SLC13A1: variants seen among roughly 807,000 people sequenced by gnomAD.
SLC13A1 encodes solute carrier family 13 member 1, also known as Na(+)/sulfate cotransporter.
Under a neutral mutation model 70.0 loss-of-function variants are expected in SLC13A1, and 65 were observed. The ratio of observed to expected loss-of-function variants is 0.93; its 90% CI spans 0.76 to 1.14. The LOEUF is 1.14. Among genes scored for constraint, SLC13A1 ranks in the 50% most tolerant of loss-of-function variants. The pLI, the probability that SLC13A1 is intolerant of heterozygous loss-of-function variation, is 0.00. For missense variants in SLC13A1, 726 were observed against 717.8 expected (o/e 1.01, Z -0.13); for synonymous variants, 275 against 250.5 (o/e 1.10, Z -0.92).
At position 123,115,519 on chromosome 7, in the gene SLC13A1, T is replaced by G. The variant is rs1407102033; in HGVS notation, c.1787A>C (p.Ter596SerextTer1). Residue 596 changes from the stop codon to serine (S), a stop_lost, in exon 15 of 15, where the codon TAA becomes TCA. Coordinates refer to ENST00000194130, the MANE Select transcript of SLC13A1 (RefSeq NM_022444.4). ...APAMSNETMP[*>S] Reference sequence around the variant, plus strand: ...AGATAGTCAGAAATTTTGTGCTTATTATGGCATGGTCTCATTACTCATAGC... The same window carrying G: ...AGATAGTCAGAAATTTTGTGCTTATGATGGCATGGTCTCATTACTCATAGC... The G allele has an allele frequency of 2.5e-6, 4 of 1,605,688 alleles. No homozygotes were observed. The East Asian group carries it at 8.9e-5, about 36-fold the overall frequency.
At chr7:123,196,694 A>G (rs1796196182) in intron 1 of SLC13A1, among the ~76,000 whole-genome samples, 1 of 152,038 alleles carries the variant, frequency 6.6e-6, no homozygotes, top group Non-Finnish European at 1.5e-5. Flanking sequence ...TTCTACCTTA[A>G]TGACATTGCG....
In SLC13A1 at chr7:123,129,492, T is replaced by A; in HGVS notation, c.933-11A>T. On this transcript the variant is annotated splice_polypyrimidine_tract_variant and intron_variant, in intron 8 of 14. Coordinates refer to ENST00000194130, the MANE Select transcript of SLC13A1 (RefSeq NM_022444.4). The stretch of plus-strand genomic sequence containing the variant: ...AACATCTCCTTAAAACTGCAAAGAA[T>A]AATTAAGCCTGTAAGCAAGAAATTC... 1 of 1,605,568 alleles carries A rather than the reference T, an allele frequency of 6.2e-7. No individual in the cohort carries two copies. Among genetic ancestry groups the A allele is most frequent in the Non-Finnish European group, 8.5e-7 (1 of 1,172,600 alleles).
chr7:123,184,135 C>G (rs774568826), intron 1 of SLC13A1, among the ~76,000 whole-genome samples: 1 of 151,862 alleles, frequency 6.6e-6, no homozygotes, highest in East Asian at 1.9e-4. Context: ...TTTTTTTATC[C>G]TTATTTTTTT....
intron 6 of SLC13A1, 75 bp from the exon 7 acceptor site, chr7:123,147,385 A>G: frequency 6.7e-7 from 1 of 1,500,280 alleles, no homozygotes; most frequent in East Asian, 2.3e-5. Flanking sequence ...GTGTCCCACC[A>G]CCCGCACCAA....
At chr7:123,125,702 A>G (rs1585292999) in intron 10 of SLC13A1, 27 bp from the exon 11 acceptor site, 3 of 1,519,088 alleles carry the variant, frequency 2.0e-6, no homozygotes, top group East Asian at 4.5e-5. Context: ...TACATGTATT[A>G]AAAATAGCAT....
rs915790466 is a variant in SLC13A1, at chr7:123,128,700, C to T, written c.1133+145G>A. 58 of 612,764 alleles carry T rather than the reference C, an allele frequency of 9.5e-5. 4 individuals carry two copies. The African/African-American group carries it at 9.5e-4, about 10-fold the overall frequency. 38.0% of individuals were successfully genotyped at this position (612,764 alleles called of 1,614,324 possible). A position where few individuals can be genotyped will look rare whatever the true frequency, so the allele number is the denominator to read the frequency against. On this transcript the variant is annotated intron_variant, in intron 10 of 14. Transcript: ENST00000194130. ...AGATTTCATTCCTTATAATTTTTTT[C>T]CTGAAAAGATTAGAACTTAAAATAT...
At chr7:123,120,732 T>A (rs1212158448) in intron 12 of SLC13A1, among the ~76,000 whole-genome samples, 1 of 152,076 alleles carries the variant, frequency 6.6e-6, no homozygotes, top group African/African-American at 2.4e-5. Flanking sequence ...CTGCTTGTTT[T>A]TGCTTATGAC....
intron 1 of SLC13A1, among the ~76,000 whole-genome samples, chr7:123,191,212 T>A (rs1402676489): frequency 6.6e-6 from 1 of 152,156 alleles, no homozygotes; most frequent in East Asian, 1.9e-4. Context: ...ATGGATCCAG[T>A]CATCTAGCTG....
At chr7:123,148,560 G>T in intron 6 of SLC13A1, 2 of 402,340 alleles carry the variant, frequency 5.0e-6, no homozygotes, top group Non-Finnish European at 4.9e-6. Context: ...TTGTTGGTTT[G>T]ATTCTTCCTC....
In SLC13A1 at chr7:123,125,634, A is replaced by G. The variant is rs28364210; in HGVS notation, c.1175T>C (p.Ile392Thr). Residue 392 changes from isoleucine (I) to threonine (T), a missense_variant, in exon 11 of 15, where the codon ATA becomes ACA. Coordinates refer to ENST00000194130, the MANE Select transcript of SLC13A1 (RefSeq NM_022444.4). ...TGGGATAAGAAAGAATAGCAGCCCT[A>G]TAAGTAAAGCAACAGTTGAATCTGT... ...FATDSTVALLIGLLFFLIPAK... is the reference protein window; with the variant it reads ...FATDSTVALLTGLLFFLIPAK... 1.1e-5 allele frequency: 17 copies of G among 1,613,518 alleles called. No individual in the cohort carries two copies. The highest frequency in any genetic ancestry group is 1.7e-4 in the Middle Eastern group (1 of 6,056).
In SLC13A1 at chr7:123,119,259, C is replaced by A; in HGVS notation, c.1351-17G>T. On this transcript the variant is annotated splice_polypyrimidine_tract_variant and intron_variant, in intron 12 of 14. Coordinates refer to ENST00000194130, the MANE Select transcript of SLC13A1 (RefSeq NM_022444.4). ...TCCAGACTCCTAAAAAACAAATTTGCAATATTTGTTACTCATGAATAATTC... is the reference window on the plus strand; with the variant it reads ...TCCAGACTCCTAAAAAACAAATTTGAAATATTTGTTACTCATGAATAATTC... 6.5e-7 allele frequency: 1 copy of A among 1,543,392 alleles called. No individual in the cohort carries two copies. Among genetic ancestry groups the A allele is most frequent in the Non-Finnish European group, 8.8e-7 (1 of 1,132,432 alleles).
rs577148921 is a variant in SLC13A1, at chr7:123,143,414, G to C, written c.812+3745C>G. On this transcript the variant is annotated intron_variant, in intron 7 of 14. Transcript: ENST00000194130. ...GTGGGAAGTCAAGTTCCAACTGCTG[G>C]GATGGGCACTTCTTCTCTGGCTACA... Among the ~76,000 whole-genome samples the C allele has an allele frequency of 2.0e-5, 3 of 152,222 alleles. No homozygotes were observed. In the South Asian group the frequency reaches 6.2e-4, roughly 32 times the overall value.
intron 6 of SLC13A1, among the ~76,000 whole-genome samples, chr7:123,150,931 AT>A (rs1794532392): frequency 6.6e-6 from 1 of 151,834 alleles, no homozygotes; most frequent in Non-Finnish European, 1.5e-5. Flanking sequence ...AAAATATCTT[AT>A]TTTTATTGAT....
Position 123,138,316 on chromosome 7 carries a change from T to C in SLC13A1, c.813-3787A>G, listed in dbSNP as rs543302022. ...CACATTTTCTTCATCCATCCGTTGA[T>C]AGGCACTTAGGTTGCATCCAAATCA... On this transcript the variant is annotated intron_variant, in intron 7 of 14. Transcript: ENST00000194130. Among the ~76,000 whole-genome samples, 4 of 152,330 alleles carry C rather than the reference T, an allele frequency of 2.6e-5. No individual in the cohort carries two copies. In the South Asian group the frequency reaches 8.3e-4, roughly 32 times the overall value.
Position 123,199,795 on chromosome 7 carries a change from G to A in SLC13A1, c.99+53C>T, listed in dbSNP as rs376480334. The A allele has an allele frequency of 1.8e-5, 24 of 1,331,024 alleles. No individual in the cohort carries two copies. In the African/African-American group the frequency reaches 2.5e-4, roughly 14 times the overall value. 82.5% of individuals were successfully genotyped at this position (1,331,024 alleles called of 1,614,324 possible). ...TTAAACAGCAAACAGTTTTAATAAA[G>A]GACAATTAAATAAGTCAGGAAATCC... On this transcript the variant is annotated intron_variant, in intron 1 of 14. Transcript: ENST00000194130.
rs1793132635 is a variant in SLC13A1, at chr7:123,115,009, T to A, written c.*509A>T. 6.6e-6 allele frequency: 1 copy of A among 152,324 alleles called. No individual in the cohort carries two copies. The highest frequency in any genetic ancestry group is 1.5e-5 in the Non-Finnish European group (1 of 68,126). The allele number at this position is 152,324 out of a possible 1,614,324, so 9.4% of individuals were successfully genotyped here. The stretch of plus-strand genomic sequence containing the variant: ...TGAGGAAATGCACATATCATTTAGA[T>A]TAAACTTTTCTCTTCATCACCAGAT... On this transcript the variant is annotated 3_prime_UTR_variant, in exon 15 of 15. Coordinates refer to ENST00000194130, the MANE Select transcript of SLC13A1 (RefSeq NM_022444.4).
At chr7:123,130,700 A>T (rs1793727999) in intron 8 of SLC13A1, among the ~76,000 whole-genome samples, 1 of 152,252 alleles carries the variant, frequency 6.6e-6, no homozygotes, top group South Asian at 2.1e-4. Context: ...CATCCTGCAC[A>T]TGTATCATGG....
At chr7:123,137,618 C>A (rs911563410) in intron 7 of SLC13A1, among the ~76,000 whole-genome samples, 1 of 152,074 alleles carries the variant, frequency 6.6e-6, no homozygotes, top group Non-Finnish European at 1.5e-5. Context: ...TGCAAGGAAC[C>A]AAATTCTACT....
chr7:123,121,530 G>A (rs562813710), intron 12 of SLC13A1, among the ~76,000 whole-genome samples: 1 of 152,020 alleles, frequency 6.6e-6, no homozygotes, highest in East Asian at 1.9e-4. Context: ...ACATGTTTTT[G>A]TTGTTATTGC....
Sources: gnomAD v4.1 joint callset for allele counts (sites outside exome capture counted in the v4.1 genomes callset) on GRCh38, gnomAD v4.1.1 for gene constraint, MANE v1.5 for transcripts, NCBI Gene and HGNC (gene_info 2026-07-23, HGNC 2026-07-21) for gene names.